Variants in GLRA2 observed in about 807,000 individuals in gnomAD.
GLRA2 encodes glycine receptor alpha 2.
In GLRA2, 11 loss-of-function variants were observed where a neutral mutation model predicts 31.6. That is an observed-to-expected ratio of 0.35 (90% CI 0.22 to 0.58). The LOEUF (loss-of-function observed/expected upper bound fraction) is 0.58. GLRA2 is among the 20% of genes least tolerant of loss of function. GLRA2 has a pLI of 0.84. For missense variants in GLRA2, 212 were observed against 351.8 expected (o/e 0.60, Z 3.18); for synonymous variants, 132 against 134.0 (o/e 0.99, Z 0.10).
intron 4 of GLRA2, among the ~76,000 whole-genome samples, chrX:14,591,991 C>T (rs2090150329): frequency 9.0e-6 from 1 of 111,535 alleles, no homozygotes; most frequent in Admixed American, 9.6e-5. Context: ...TACTGTATCT[C>T]CCAGGATCAT....
At chrX:14,668,403 C>T (rs923802677) in intron 7 of GLRA2, among the ~76,000 whole-genome samples, 2 of 111,671 alleles carry the variant, frequency 1.8e-5, no homozygotes, top group Middle Eastern at 4.6e-3. Flanking sequence ...CCAAGAGACA[C>T]GAATCATTGG....
intron 4 of GLRA2, among the ~76,000 whole-genome samples, chrX:14,602,368 T>A (rs1260597255): frequency 5.4e-5 from 6 of 110,332 alleles, no homozygotes; most frequent in Non-Finnish European, 1.1e-4. Flanking sequence ...TGTTTGTTTG[T>A]TTGTTTGTTT....
At position 14,643,672 on chromosome X, in the gene GLRA2, T is replaced by G. The variant is rs137866476; in HGVS notation, c.930+34467T>G. Among the ~76,000 whole-genome samples the G allele has an allele frequency of 5.9e-3, 666 of 112,019 alleles. 6 individuals are homozygous for G. Among genetic ancestry groups the G allele is most frequent in the Non-Finnish European group, 9.0e-3 (476 of 53,129 alleles). On this transcript the variant is annotated intron_variant, in intron 7 of 8. Coordinates refer to ENST00000218075, the MANE Select transcript of GLRA2 (RefSeq NM_002063.4). ...TTTGAATTATACCAGGAATGTTATT[T>G]GCTTTTTGAGCTCTCCTTTTATATT...
At chrX:14,628,910 A>G (rs2090616342) in intron 7 of GLRA2, among the ~76,000 whole-genome samples, 1 of 111,571 alleles carries the variant, frequency 9.0e-6, no homozygotes, top group Non-Finnish European at 1.9e-5. Context: ...ATTACTGTGT[A>G]GAGTAAGATT....
intron 7 of GLRA2, among the ~76,000 whole-genome samples, chrX:14,680,540 A>C (rs886275139): frequency 8.9e-6 from 1 of 112,017 alleles, no homozygotes; most frequent in Non-Finnish European, 1.9e-5. Context: ...AGCTCAAAAC[A>C]TCTAAGGATT....
chrX:14,661,389 A>G (rs2090989113), intron 7 of GLRA2, among the ~76,000 whole-genome samples: 1 of 111,732 alleles, frequency 8.9e-6, no homozygotes. Context: ...CTTTAAGAGG[A>G]TGACTCATAT....
At chrX:14,551,703 C>A (rs67171903) in intron 2 of GLRA2, among the ~76,000 whole-genome samples, 4,333 of 111,415 alleles carry the variant, frequency 0.039, 219 homozygotes, top group African/African-American at 0.14. Flanking sequence ...TTTATCTAGT[C>A]CTATAGTTTG....
At chrX:14,594,003 T>A (rs771875994) in intron 4 of GLRA2, among the ~76,000 whole-genome samples, 2 of 112,499 alleles carry the variant, frequency 1.8e-5, no homozygotes, top group South Asian at 7.4e-4. Flanking sequence ...TTATGCTTGG[T>A]TTCAAAGTGT....
the GLRA2 span, among the ~76,000 whole-genome samples, chrX:14,475,544 C>T: frequency 9.0e-6 from 1 of 111,674 alleles, no homozygotes; most frequent in East Asian, 2.8e-4. Flanking sequence ...ACCAAAATCT[C>T]TGCTTGGGGC....
chrX:14,628,507 T>G (rs1302448300), intron 7 of GLRA2, among the ~76,000 whole-genome samples: 1 of 111,742 alleles, frequency 8.9e-6, no homozygotes, highest in Non-Finnish European at 1.9e-5. Context: ...AGACAAATAT[T>G]AAGCACAAAT....
intron 1 of GLRA2, among the ~76,000 whole-genome samples, chrX:14,531,378 G>A (rs747061798): frequency 9.0e-6 from 1 of 111,518 alleles, no homozygotes; most frequent in East Asian, 2.8e-4. Flanking sequence ...AGAAATTTCA[G>A]TTAACCACTA....
chrX:14,666,337 A>G (rs1235262120), intron 7 of GLRA2, among the ~76,000 whole-genome samples: 2 of 112,084 alleles, frequency 1.8e-5, no homozygotes, highest in Non-Finnish European at 3.8e-5. Flanking sequence ...GCTTTCTGAA[A>G]ATTAATAATT....
At chrX:14,565,770 T>G (rs998568105) in intron 2 of GLRA2, among the ~76,000 whole-genome samples, 16 of 111,242 alleles carry the variant, frequency 1.4e-4, no homozygotes, top group Non-Finnish European at 5.7e-5. Flanking sequence ...ACAAGGGACA[T>G]AAGAGGTGAA....
chrX:14,518,172 T>C, the GLRA2 span, among the ~76,000 whole-genome samples: 1 of 112,009 alleles, frequency 8.9e-6, no homozygotes, highest in African/African-American at 3.2e-5. Context: ...TTTAACATTG[T>C]CCAGGTTGGC....
chrX:14,534,032 T>C (rs903513746), intron 2 of GLRA2, among the ~76,000 whole-genome samples: 4 of 110,820 alleles, frequency 3.6e-5, no homozygotes, highest in Non-Finnish European at 7.6e-5. Flanking sequence ...GTACAAAGAG[T>C]AATAAAACAC....
At chrX:14,456,760 G>A in the GLRA2 span, among the ~76,000 whole-genome samples, 2 of 112,061 alleles carry the variant, frequency 1.8e-5, no homozygotes, top group Admixed American at 9.5e-5. Context: ...TTCATCTGTT[G>A]TTGGGCACGT....
chrX:14,654,927 A>G (rs1000814368), intron 7 of GLRA2, among the ~76,000 whole-genome samples: 2 of 111,404 alleles, frequency 1.8e-5, no homozygotes, highest in African/African-American at 3.3e-5. Flanking sequence ...TTATAAAACT[A>G]TCAGATCTTG....
upstream of GLRA2, among the ~76,000 whole-genome samples, chrX:14,527,628 A>G (rs1262961090): frequency 9.0e-6 from 1 of 110,688 alleles, no homozygotes; most frequent in Non-Finnish European, 1.9e-5. Context: ...AAAAAAAAAA[A>G]AGAGAAATGA....
chrX:14,476,695 T>TA, the GLRA2 span, among the ~76,000 whole-genome samples: 1 of 111,616 alleles, frequency 9.0e-6, no homozygotes, highest in African/African-American at 3.3e-5. Context: ...AAGCAGAGAG[T>TA]AGAACATTCT....
Sources: allele counts gnomAD v4.1 joint callset (sites outside exome capture counted in the v4.1 genomes callset), GRCh38; gene constraint gnomAD v4.1.1; transcripts MANE v1.5; gene names NCBI Gene and HGNC (gene_info 2026-07-23, HGNC 2026-07-21).